Variants in THUMPD3 observed in about 807,000 individuals in gnomAD.
The protein encoded by THUMPD3 is THUMP domain 3 tRNA guanosine methyltransferase.
In THUMPD3, 44 loss-of-function variants were observed where a neutral mutation model predicts 54.5. The ratio of observed to expected loss-of-function variants is 0.81; its 90% CI spans 0.63 to 1.04. The LOEUF (loss-of-function observed/expected upper bound fraction) is 1.04. Among genes scored for constraint, THUMPD3 ranks in the 50% least tolerant of loss-of-function variants. THUMPD3 has a pLI of 0.00. For missense variants in THUMPD3, 604 were observed against 601.3 expected (o/e 1.00, Z -0.05); for synonymous variants, 196 against 201.4 (o/e 0.97, Z 0.23).
rs77084156 is a variant in THUMPD3, at chr3:9,383,284, G to C, written c.1210G>C (p.Val404Leu). 7 of 1,613,436 alleles carry C rather than the reference G, an allele frequency of 4.3e-6. No individual in the cohort carries two copies. The highest frequency in any genetic ancestry group is 2.2e-5 in the South Asian group (2 of 91,074). The change falls in exon 8 of 10, where the codon GTA becomes CTA. Residue 404 changes from valine to leucine, a missense_variant. Transcript: ENST00000452837. ...GAGAACTGGCTCTGTGGATATTATT[G>C]TAACAGATTTGCCATTTGGAAAAAG... Reference protein sequence around the residue: ...PLRTGSVDIIVTDLPFGKRMG... With the variant: ...PLRTGSVDIILTDLPFGKRMG...
In THUMPD3 at chr3:9,380,496, CT is replaced by C; in HGVS notation, c.1009-3del. ...CTTTTGTTTTAACATACACTCTTATCTTTTAGGGGGCCACTGAATGGTCTGA... is the reference window on the plus strand; with the variant it reads ...CTTTTGTTTTAACATACACTCTTATCTTTAGGGGGCCACTGAATGGTCTGA... On this transcript the variant is annotated splice_polypyrimidine_tract_variant and splice_region_variant and intron_variant, in intron 6 of 9. Coordinates refer to ENST00000452837, the MANE Select transcript of THUMPD3 (RefSeq NM_001114092.2). The C allele has an allele frequency of 6.3e-7, 1 of 1,584,668 alleles. No individual in the cohort carries two copies. The highest frequency in any genetic ancestry group is 8.6e-7 in the Non-Finnish European group (1 of 1,157,078).
intron 7 of THUMPD3, among the ~76,000 whole-genome samples, chr3:9,381,928 C>T (rs1427966111): frequency 2.0e-5 from 3 of 150,796 alleles, no homozygotes; most frequent in South Asian, 2.1e-4. Context: ...TACAGGCACC[C>T]GCCACCATGC....
At chr3:9,366,820 C>A in intron 2 of THUMPD3, 88 bp from the exon 3 acceptor site, 3 of 1,047,030 alleles carry the variant, frequency 2.9e-6, no homozygotes, top group East Asian at 2.5e-5. Flanking sequence ...TTAAAACTAT[C>A]ATTCCTAATT....
At chr3:9,373,906 C>T (rs778457583) in intron 4 of THUMPD3, among the ~76,000 whole-genome samples, 1 of 152,172 alleles carries the variant, frequency 6.6e-6, no homozygotes, top group Non-Finnish European at 1.5e-5. Flanking sequence ...TGAGACTTTA[C>T]CAATTTTTAA....
At chr3:9,368,873 C>T (rs763763921) in intron 3 of THUMPD3, among the ~76,000 whole-genome samples, 8 of 152,216 alleles carry the variant, frequency 5.3e-5, no homozygotes, top group East Asian at 1.9e-4. Flanking sequence ...AGATATTTTA[C>T]GAATAAATGT....
chr3:9,364,299 G>C (rs1489159701), intron 1 of THUMPD3, among the ~76,000 whole-genome samples: 1 of 151,414 alleles, frequency 6.6e-6, no homozygotes, highest in Non-Finnish European at 1.5e-5. Context: ...GTATCTATCT[G>C]AAACTCCAAA....
At chr3:9,369,466 TTG>T (rs1392706870) in intron 3 of THUMPD3, among the ~76,000 whole-genome samples, 5 of 152,186 alleles carry the variant, frequency 3.3e-5, no homozygotes, top group Admixed American at 2.6e-4. Flanking sequence ...GAAACAAAGT[TTG>T]TGTACACTGA....
At chr3:9,371,992 C>T (rs775966579) in intron 4 of THUMPD3, among the ~76,000 whole-genome samples, 3 of 152,146 alleles carry the variant, frequency 2.0e-5, no homozygotes, top group Non-Finnish European at 2.9e-5. Flanking sequence ...TTCTTGTGCT[C>T]AGCCTCCCAA....
Position 9,365,145 on chromosome 3 carries a change from CAGAA to C in THUMPD3, c.80_83del (p.Glu27ValfsTer10). ...GAGAACCAGAAGTCTGTACAAGTGACAGAAAGTGACCTCGGAAGTGAATCTGAGC... is the reference window on the plus strand; with the variant it reads ...GAGAACCAGAAGTCTGTACAAGTGACAGTGACCTCGGAAGTGAATCTGAGC... On this transcript the variant is annotated frameshift_variant, in exon 2 of 10. Coordinates refer to ENST00000452837, the MANE Select transcript of THUMPD3 (RefSeq NM_001114092.2). LOFTEE classifies it high-confidence loss of function. 6.2e-7 allele frequency: 1 copy of C among 1,614,192 alleles called. No individual in the cohort carries two copies. The highest frequency in any genetic ancestry group is 8.5e-7 in the Non-Finnish European group (1 of 1,180,022).
At position 9,386,052 on chromosome 3, in the gene THUMPD3, CT is replaced by C. The variant is rs1054826546; in HGVS notation, c.*1367del. ...TATTATAATAGTACTCCTCTTAATA[CT>C]TTCTGATGTCTCCATTGAGAATAAA... On this transcript the variant is annotated 3_prime_UTR_variant, in exon 10 of 10. Coordinates refer to ENST00000452837, the MANE Select transcript of THUMPD3 (RefSeq NM_001114092.2). 2 of 152,144 alleles carry C rather than the reference CT, an allele frequency of 1.3e-5. No individual in the cohort carries two copies. The highest frequency in any genetic ancestry group is 2.9e-5 in the Non-Finnish European group (2 of 68,022). 9.4% of individuals were successfully genotyped at this position (152,144 alleles called of 1,614,324 possible).
At position 9,379,149 on chromosome 3, in the gene THUMPD3, T is replaced by A. The variant is rs76871798; in HGVS notation, c.1008+1261T>A. Among the ~76,000 whole-genome samples the A allele has an allele frequency of 9.3e-4, 141 of 152,062 alleles. 1 individual carries two copies. The highest frequency in any genetic ancestry group is 2.9e-3 in the East Asian group (15 of 5,170). ...CTTGATCTAGAATAATTTTTTTTTT[T>A]AATTTAGAAGTGTTATGCTATAAAA... On this transcript the variant is annotated intron_variant, in intron 6 of 9. Coordinates refer to ENST00000452837, the MANE Select transcript of THUMPD3 (RefSeq NM_001114092.2).
At position 9,380,588 on chromosome 3, in the gene THUMPD3, C is replaced by T; in HGVS notation, c.1094C>T (p.Ser365Phe). The T allele has an allele frequency of 6.2e-7, 1 of 1,612,966 alleles. No individual in the cohort carries two copies. Among genetic ancestry groups the T allele is most frequent in the South Asian group, 1.1e-5 (1 of 90,864 alleles). Reference protein sequence around the residue: ...AVNRAANNIASLLTKSQIKEG... With the variant: ...AVNRAANNIAFLLTKSQIKEG... ...AATAGAGCAGCAAATAACATTGCAT[C>T]TTTATTGACCAAGAGCCAAATTAAA... The change falls in exon 7 of 10, where the codon TCT becomes TTT. Residue 365 changes from serine (S) to phenylalanine (F), a missense_variant. Physicochemically the swap from Ser to Phe is radical, Grantham distance 155 (BLOSUM62 -2). Coordinates refer to ENST00000452837, the MANE Select transcript of THUMPD3 (RefSeq NM_001114092.2).
intron 3 of THUMPD3, 129 bp downstream of exon 3, chr3:9,367,114 A>T: frequency 1.6e-6 from 1 of 640,182 alleles, no homozygotes; most frequent in Non-Finnish European, 2.6e-6. Context: ...GGAGGCTTTT[A>T]CAGTAAAATC....
In THUMPD3 at chr3:9,366,953, G is replaced by C. The variant is rs146536201; in HGVS notation, c.298G>C (p.Glu100Gln). ...TGATAACTTATTTGTGGTGGTTCAG[G>C]AGTTTCAAGATTACCAGTTCAAACA... ...SVDNLFVVVQ[E>Q]FQDYQFKQTK... Residue 100 changes from glutamate (E) to glutamine (Q), a missense_variant, in exon 3 of 10, where the codon GAG (glutamate) becomes CAG (glutamine). Coordinates refer to ENST00000452837, the MANE Select transcript of THUMPD3 (RefSeq NM_001114092.2). The C allele has an allele frequency of 1.3e-3, 2,017 of 1,613,322 alleles. 2 individuals are homozygous for C. The highest frequency in any genetic ancestry group is 1.6e-3 in the Non-Finnish European group (1,854 of 1,179,814).
chr3:9,373,539 C>A (rs2032225756), intron 4 of THUMPD3, among the ~76,000 whole-genome samples: 1 of 151,992 alleles, frequency 6.6e-6, no homozygotes, highest in Admixed American at 6.6e-5. Context: ...TCAGTATCCT[C>A]ATTTATAAAG....
Position 9,384,233 on chromosome 3 carries a change from C to T in THUMPD3, c.1257C>T (p.Asn419=). 2 of 1,614,070 alleles carry T rather than the reference C, an allele frequency of 1.2e-6. No individual in the cohort carries two copies. The highest frequency in any genetic ancestry group is 8.5e-7 in the Non-Finnish European group (1 of 1,180,000). The part of the protein sequence containing the change: ...FGKRMGSKKR[N]WNLYPACLRE... ...ATAGGATGGGATCCAAGAAGAGAAA[C>T]TGGAACCTTTATCCAGCTTGCCTAC... Residue 419 remains asparagine, a synonymous_variant, in exon 9 of 10, where the codon AAC becomes AAT. Coordinates refer to ENST00000452837, the MANE Select transcript of THUMPD3 (RefSeq NM_001114092.2).
chr3:9,377,579 T>C (rs2032560253), intron 5 of THUMPD3, among the ~76,000 whole-genome samples: 1 of 152,142 alleles, frequency 6.6e-6, no homozygotes. Flanking sequence ...TTCGCCATGT[T>C]GGCCAGGCTG....
At chr3:9,373,825 C>CA (rs113968557) in intron 4 of THUMPD3, among the ~76,000 whole-genome samples, 58 of 152,224 alleles carry the variant, frequency 3.8e-4, no homozygotes, top group African/African-American at 1.3e-3. Context: ...GCTGTCCTCC[C>CA]ACCTCAGCCT....
At position 9,383,193 on chromosome 3, in the gene THUMPD3, C is replaced by T. The variant is rs775397030; in HGVS notation, c.1125-6C>T. On this transcript the variant is annotated splice_region_variant and splice_polypyrimidine_tract_variant and intron_variant, in intron 7 of 9. Transcript: ENST00000452837. The stretch of plus-strand genomic sequence containing the variant: ...ATGTTGAAGCACCTTTCCTTTGTCC[C>T]CACAGCAAACCCTCCTGGGGCTTGC... 2.5e-6 allele frequency: 4 copies of T among 1,609,368 alleles called. No individual in the cohort carries two copies. The highest frequency in any genetic ancestry group is 4.5e-5 in the East Asian group (2 of 44,846).
Sources: gnomAD v4.1 joint callset for allele counts (sites outside exome capture counted in the v4.1 genomes callset) on GRCh38, gnomAD v4.1.1 for gene constraint, MANE v1.5 for transcripts, NCBI Gene and HGNC (gene_info 2026-07-23, HGNC 2026-07-21) for gene names.